IL1RAPL2: variants seen among roughly 807,000 people sequenced by gnomAD.
IL1RAPL2 encodes X-linked interleukin-1 receptor accessory protein-like 2.
Under a neutral mutation model 44.1 loss-of-function variants are expected in IL1RAPL2, and 3 were observed. That is an observed-to-expected ratio of 0.07 (90% CI 0.03 to 0.18). IL1RAPL2 has a LOEUF of 0.18. IL1RAPL2 is among the 10% of genes least tolerant of loss of function. IL1RAPL2 has a pLI of 1.00. For missense variants in IL1RAPL2, 391 were observed against 496.4 expected (o/e 0.79, Z 2.02); for synonymous variants, 181 against 178.8 (o/e 1.01, Z -0.10).
intron 7 of IL1RAPL2, among the ~76,000 whole-genome samples, chrX:105,723,878 T>C (rs1299543552): frequency 8.9e-6 from 1 of 111,821 alleles, no homozygotes; most frequent in Admixed American, 9.5e-5. Flanking sequence ...ACGATGGATA[T>C]TAGGTGACAG....
intron 6 of IL1RAPL2, among the ~76,000 whole-genome samples, chrX:105,715,260 G>A (rs1348233097): frequency 1.8e-5 from 2 of 112,070 alleles, no homozygotes; most frequent in African/African-American, 6.5e-5. Context: ...TATGTTGAAA[G>A]GCCATATCAA....
At chrX:105,058,485 A>T (rs997306954) in intron 2 of IL1RAPL2, among the ~76,000 whole-genome samples, 1 of 112,358 alleles carries the variant, frequency 8.9e-6, no homozygotes, top group Non-Finnish European at 1.9e-5. Context: ...AGCCAAGAAG[A>T]AACAACATGT....
intron 2 of IL1RAPL2, among the ~76,000 whole-genome samples, chrX:104,900,000 G>T (rs1365314379): frequency 8.9e-6 from 1 of 111,961 alleles, no homozygotes. Flanking sequence ...TATGGGTACA[G>T]ATTTTACTAA....
chrX:105,319,471 G>A (rs747549793), intron 5 of IL1RAPL2, among the ~76,000 whole-genome samples: 5 of 111,524 alleles, frequency 4.5e-5, no homozygotes, highest in Admixed American at 9.5e-5. Flanking sequence ...AATTATTGGC[G>A]TTGACATGGC....
rs1000794599 is a variant in IL1RAPL2, at chrX:105,227,276, T to C, written c.357-6542T>C. Among the ~76,000 whole-genome samples, 9 of 112,144 alleles carry C rather than the reference T, an allele frequency of 8.0e-5. No homozygotes were observed. In the South Asian group the frequency reaches 1.1e-3, roughly 14 times the overall value. On this transcript the variant is annotated intron_variant, in intron 3 of 10. Transcript: ENST00000372582. ...TTATGCCCCCACAAATCCTTGTTTG[T>C]TTAATTACCAGGTTTACACCTTACG...
intron 2 of IL1RAPL2, among the ~76,000 whole-genome samples, chrX:104,962,312 G>A (rs192908729): frequency 2.7e-5 from 3 of 112,288 alleles, no homozygotes; most frequent in Non-Finnish European, 1.9e-5. Context: ...TATTAATACA[G>A]TGAAGCTAGG....
chrX:104,739,922 C>A (rs1178142104), intron 2 of IL1RAPL2, among the ~76,000 whole-genome samples: 1 of 111,529 alleles, frequency 9.0e-6, no homozygotes, highest in Non-Finnish European at 1.9e-5. Flanking sequence ...TGCAAAACAC[C>A]TGTCACCTGA....
intron 2 of IL1RAPL2, among the ~76,000 whole-genome samples, chrX:105,189,273 A>G: frequency 8.9e-6 from 1 of 112,430 alleles, no homozygotes; most frequent in Non-Finnish European, 1.9e-5. Flanking sequence ...GCTGGAGTGC[A>G]GTGGCACGAC....
chrX:104,630,149 A>ACT (rs1371966424), intron 1 of IL1RAPL2, among the ~76,000 whole-genome samples: 1 of 23,440 alleles, frequency 4.3e-5, no homozygotes, highest in Admixed American at 6.2e-4. Flanking sequence ...ACACCTGGAT[A>ACT]ATTTTTTTTT....
chrX:105,594,019 A>G (rs143905215), intron 6 of IL1RAPL2, among the ~76,000 whole-genome samples: 1 of 112,150 alleles, frequency 8.9e-6, no homozygotes, highest in Non-Finnish European at 1.9e-5. Flanking sequence ...ATCTTGCTTT[A>G]TGGTCTGGCA....
At chrX:105,013,916 A>T (rs1364472743) in intron 2 of IL1RAPL2, among the ~76,000 whole-genome samples, 2 of 112,279 alleles carry the variant, frequency 1.8e-5, no homozygotes, top group African/African-American at 6.5e-5. Flanking sequence ...ATTGGCTCAT[A>T]AGCTACTGGT....
chrX:104,946,190 G>C (rs1222290662), intron 2 of IL1RAPL2, among the ~76,000 whole-genome samples: 1 of 101,675 alleles, frequency 9.8e-6, no homozygotes, highest in South Asian at 4.7e-4. Context: ...GGCTAACAAG[G>C]TGAAACCCCG....
chrX:105,007,444 T>G (rs761802398), intron 2 of IL1RAPL2, among the ~76,000 whole-genome samples: 3 of 111,741 alleles, frequency 2.7e-5, no homozygotes, highest in Admixed American at 9.5e-5. Context: ...ATAGGCCAGC[T>G]GTATCTACAA....
intron 1 of IL1RAPL2, among the ~76,000 whole-genome samples, chrX:104,588,543 G>A (rs1286729502): frequency 9.0e-6 from 1 of 110,826 alleles, no homozygotes; most frequent in African/African-American, 3.3e-5. Flanking sequence ...CCCATTAAGT[G>A]TTGTTTACTC....
At chrX:104,749,790 G>A (rs1265195711) in intron 2 of IL1RAPL2, among the ~76,000 whole-genome samples, 1 of 111,709 alleles carries the variant, frequency 9.0e-6, no homozygotes, top group Non-Finnish European at 1.9e-5. Context: ...ATTTCAATGG[G>A]TGAATATATG....
intron 5 of IL1RAPL2, among the ~76,000 whole-genome samples, chrX:105,352,519 A>G (rs1315498478): frequency 1.8e-5 from 2 of 111,234 alleles, no homozygotes; most frequent in Admixed American, 9.6e-5. Context: ...GACTTCCACA[A>G]TGGTTGAACT....
chrX:104,851,022 CT>C (rs1569326643), intron 2 of IL1RAPL2, among the ~76,000 whole-genome samples: 3 of 110,508 alleles, frequency 2.7e-5, no homozygotes, highest in African/African-American at 9.9e-5. Context: ...GAATCCTGTT[CT>C]TTTTTTTCTT....
chrX:105,291,797 T>A (rs1210546608), intron 5 of IL1RAPL2, among the ~76,000 whole-genome samples: 1 of 111,540 alleles, frequency 9.0e-6, no homozygotes, highest in Non-Finnish European at 1.9e-5. Context: ...GTTCTACAAG[T>A]TCAAAGCTAT....
chrX:105,434,174 G>C (rs1452746895), intron 5 of IL1RAPL2, among the ~76,000 whole-genome samples: 2 of 111,751 alleles, frequency 1.8e-5, no homozygotes, highest in African/African-American at 6.5e-5. Flanking sequence ...ACCACAATGT[G>C]CTACCATTAA....
Sources: gnomAD v4.1 joint callset for allele counts (sites outside exome capture counted in the v4.1 genomes callset) on GRCh38, gnomAD v4.1.1 for gene constraint, MANE v1.5 for transcripts, NCBI Gene and HGNC (gene_info 2026-07-23, HGNC 2026-07-21) for gene names.